PCDH15: variants seen among roughly 807,000 people sequenced by gnomAD.
PCDH15 encodes the protein protocadherin related 15, also known as protocadherin-15.
A neutral mutation model predicts 178.5 loss-of-function variants in PCDH15; 129 were observed. That is an observed-to-expected ratio of 0.72 (90% CI 0.63 to 0.84). PCDH15 has a LOEUF of 0.84. Among genes scored for constraint, PCDH15 ranks in the 40% least tolerant of loss-of-function variants. The probability of loss-of-function intolerance (pLI) is 0.00; values close to 1 mark genes in which losing one functional copy is unlikely to be tolerated. For synonymous variants in PCDH15, 800 were observed against 732.0 expected (o/e 1.09, Z -1.50); for missense variants, 2,230 against 2,099.9 (o/e 1.06, Z -1.21).
At chr10:53,892,064 G>A (rs1032852593) in intron 26 of PCDH15, among the ~76,000 whole-genome samples, 1 of 128,808 alleles carries the variant, frequency 7.8e-6, no homozygotes, top group African/African-American at 3.1e-5. Flanking sequence ...AGTCTCTGTC[G>A]CCCAGGCCGG....
chr10:54,869,345 A>G (rs1488694711), intron 3 of PCDH15, among the ~76,000 whole-genome samples: 2 of 152,212 alleles, frequency 1.3e-5, no homozygotes, highest in Non-Finnish European at 2.9e-5. Flanking sequence ...TGCCAACATT[A>G]TGATTTCAAA....
At chr10:54,003,601 G>A (rs1332794616) in intron 20 of PCDH15, among the ~76,000 whole-genome samples, 1 of 151,762 alleles carries the variant, frequency 6.6e-6, no homozygotes, top group Non-Finnish European at 1.5e-5. Flanking sequence ...CAAGTAACAA[G>A]ATATAGCAAA....
At chr10:55,421,053 T>G (rs11004839) in intron 2 of PCDH15, among the ~76,000 whole-genome samples, 40,996 of 151,374 alleles carry the variant, frequency 0.27, 6,790 homozygotes, top group African/African-American at 0.47. Context: ...ATGAAGGAAA[T>G]TCTAAGACTG....
At chr10:55,341,799 ATATATATTTTTTTTTT>A (rs1332426657) in intron 2 of PCDH15, among the ~76,000 whole-genome samples, 3 of 11,494 alleles carry the variant, frequency 2.6e-4, no homozygotes, top group African/African-American at 3.9e-4. Flanking sequence ...ATATATATAT[ATATATATTTTTTTTTT>A]TTTTTTTTTT....
At chr10:54,762,600 CA>C (rs1255839479) in intron 1 of PCDH15, among the ~76,000 whole-genome samples, 1 of 152,044 alleles carries the variant, frequency 6.6e-6, no homozygotes, top group African/African-American at 2.4e-5. Context: ...AAAAATACTT[CA>C]AAACCCCAAA....
rs538914354 is a variant in PCDH15 at position 53,951,959 on chromosome 10, AG to A, written c.3122+7772del. 3.5e-3 allele frequency among the ~76,000 whole-genome samples: 532 copies of A among 152,328 alleles called. 1 individual carries two copies. The highest frequency in any genetic ancestry group is 5.5e-3 in the Non-Finnish European group (374 of 68,026). On this transcript the variant is annotated intron_variant, in intron 23 of 37. Coordinates refer to ENST00000644397, the MANE Select transcript of PCDH15 (RefSeq NM_001384140.1). ...CACAGATGCCAGCTCCATACAAGCC[AG>A]TGGCTGGATCTGGTGCACTGCAAGC...
rs570826560 is a variant in PCDH15, at chr10:54,350,428, T to C, written c.475-3944A>G. Among the ~76,000 whole-genome samples the C allele has an allele frequency of 9.2e-5, 14 of 152,270 alleles. No individual in the cohort carries two copies. In the East Asian group the frequency reaches 1.7e-3, roughly 19 times the overall value. On this transcript the variant is annotated intron_variant, in intron 5 of 37. Coordinates refer to ENST00000644397, the MANE Select transcript of PCDH15 (RefSeq NM_001384140.1). The stretch of plus-strand genomic sequence containing the variant: ...AAGCATGTACAAATAGCCATTCATA[T>C]GTAAAATGCAACACAAAATGGATCA...
chr10:55,369,782 C>G (rs182173314), intron 2 of PCDH15, among the ~76,000 whole-genome samples: 1 of 151,942 alleles, frequency 6.6e-6, no homozygotes, highest in East Asian at 1.9e-4. Context: ...CCAGAATAAA[C>G]ATGTAATTGG....
chr10:55,463,943 AAGAAAG>A (rs1839748639), intron 2 of PCDH15, among the ~76,000 whole-genome samples: 1 of 52,520 alleles, frequency 1.9e-5, no homozygotes, highest in Non-Finnish European at 3.4e-5. Context: ...GAAAGAAAGA[AAGAAAG>A]AAAGAAAGAA....
chr10:54,171,166 G>A (rs1282788244), intron 13 of PCDH15, among the ~76,000 whole-genome samples: 7 of 151,888 alleles, frequency 4.6e-5, no homozygotes, highest in Admixed American at 6.6e-5. Flanking sequence ...GATAACGGAC[G>A]AGCCTTTATT....
At chr10:54,202,289 C>T (rs906655781) in intron 10 of PCDH15, among the ~76,000 whole-genome samples, 1 of 151,008 alleles carries the variant, frequency 6.6e-6, no homozygotes, top group Non-Finnish European at 1.5e-5. Context: ...ACCTGCTTGG[C>T]CAATTTTCGC....
intron 3 of PCDH15, among the ~76,000 whole-genome samples, chr10:54,478,318 A>G (rs1416188555): frequency 6.6e-6 from 1 of 152,128 alleles, no homozygotes; most frequent in African/African-American, 2.4e-5. Flanking sequence ...TACAGAGAAA[A>G]AGTTTACTAA....
chr10:54,948,921 A>AGTATATGT (rs995003747), intron 2 of PCDH15, among the ~76,000 whole-genome samples: 10 of 152,070 alleles, frequency 6.6e-5, no homozygotes, highest in South Asian at 4.1e-4. Flanking sequence ...TAATCGACAC[A>AGTATATGT]GTATATGTTA....
chr10:54,914,809 T>C (rs2131838187), intron 2 of PCDH15, among the ~76,000 whole-genome samples: 1 of 152,318 alleles, frequency 6.6e-6, no homozygotes, highest in South Asian at 2.1e-4. Flanking sequence ...ATCTCAGTGG[T>C]GTGTGGCTAC....
intron 3 of PCDH15, among the ~76,000 whole-genome samples, chr10:54,501,165 A>G (rs1228892423): frequency 1.3e-5 from 2 of 151,838 alleles, no homozygotes; most frequent in Non-Finnish European, 2.9e-5. Context: ...GCAAACTACC[A>G]TGGCGCATGT....
chr10:54,918,200 A>G (rs1268856682), intron 2 of PCDH15, among the ~76,000 whole-genome samples: 1 of 152,106 alleles, frequency 6.6e-6, no homozygotes, highest in Non-Finnish European at 1.5e-5. Context: ...CAACTTTTCC[A>G]GCCTTTTCAA....
intron 2 of PCDH15, among the ~76,000 whole-genome samples, chr10:54,589,627 CCAAA>C (rs1209272899): frequency 6.6e-6 from 1 of 152,080 alleles, no homozygotes; most frequent in Non-Finnish European, 1.5e-5. Context: ...TTCAAGATTA[CCAAA>C]CAGTGTCTGT....
chr10:54,476,218 T>C (rs1263713208), intron 3 of PCDH15, among the ~76,000 whole-genome samples: 1 of 151,668 alleles, frequency 6.6e-6, no homozygotes, highest in Non-Finnish European at 1.5e-5. Context: ...CATAACCAGA[T>C]TGCAAATATA....
chr10:55,510,042 C>T (rs1346745739), intron 2 of PCDH15, among the ~76,000 whole-genome samples: 1 of 151,924 alleles, frequency 6.6e-6, no homozygotes, highest in Non-Finnish European at 1.5e-5. Context: ...TCCACTATGA[C>T]TTTTGCTTCT....
Sources: allele counts gnomAD v4.1 joint callset (sites outside exome capture counted in the v4.1 genomes callset), GRCh38; gene constraint gnomAD v4.1.1; transcripts MANE v1.5; gene names NCBI Gene and HGNC (gene_info 2026-07-23, HGNC 2026-07-21).